Variants in CTSC observed in about 807,000 individuals in gnomAD.
CTSC encodes dipeptidyl peptidase 1.
Under a neutral mutation model 40.9 loss-of-function variants are expected in CTSC, and 37 were observed. That is an observed-to-expected ratio of 0.91 (90% confidence interval 0.70 to 1.19). CTSC has a LOEUF of 1.19. CTSC is among the 50% of genes most tolerant of loss of function. CTSC has a pLI of 0.00. For synonymous variants in CTSC, 232 were observed against 207.4 expected, an observed-to-expected ratio of 1.12 and a Z score of -1.02; for missense variants, 594 against 567.3, an observed-to-expected ratio of 1.05 and a Z score of -0.48.
intron 3 of CTSC, among the ~76,000 whole-genome samples, chr11:88,310,653 C>T (rs534699851): frequency 6.6e-6 from 1 of 152,148 alleles, no homozygotes; most frequent in Admixed American, 6.6e-5. Flanking sequence ...ATGTTTTTGT[C>T]GAAGTTCTTT....
At chr11:88,332,603 T>C (rs1938390677) in intron 2 of CTSC, among the ~76,000 whole-genome samples, 1 of 152,252 alleles carries the variant, frequency 6.6e-6, no homozygotes. Context: ...TATCTGGAAC[T>C]ACCTGATTAT....
intron 2 of CTSC, chr11:88,326,410 A>G (rs1254153818): frequency 6.2e-7 from 1 of 1,613,688 alleles, no homozygotes; most frequent in South Asian, 1.1e-5. Context: ...CTGTGGTTTT[A>G]AAAGAGTCCC....
At chr11:88,326,185 G>C (rs11545743) in intron 2 of CTSC, 2 of 1,383,014 alleles carry the variant, frequency 1.4e-6, no homozygotes, top group East Asian at 2.5e-5. Context: ...GTAGTCTCTG[G>C]TTGTTCACAT....
chr11:88,325,555 C>T, intron 2 of CTSC: 2 of 985,398 alleles, frequency 2.0e-6, no homozygotes, highest in South Asian at 4.7e-5. Flanking sequence ...TAGCATTTTA[C>T]AGTTAGAAAC....
intron 2 of CTSC, chr11:88,321,253 T>C (rs562804799): frequency 6.4e-6 from 1 of 155,328 alleles, no homozygotes; most frequent in South Asian, 2.0e-4. Context: ...CACCTAGGTA[T>C]TAACCCATTT....
chr11:88,295,644 G>T (rs1007800210), intron 6 of CTSC, among the ~76,000 whole-genome samples: 1 of 152,126 alleles, frequency 6.6e-6, no homozygotes, highest in African/African-American at 2.4e-5. Flanking sequence ...GCCTCCCAAA[G>T]TGATAGGGTT....
intron 2 of CTSC, among the ~76,000 whole-genome samples, chr11:88,319,169 T>G (rs553202259): frequency 2.0e-5 from 3 of 152,278 alleles, no homozygotes; most frequent in Admixed American, 1.3e-4. Context: ...TAAAATATAC[T>G]TGCAAAGAAA....
Position 88,309,195 on chromosome 11 carries a change from C to T in CTSC, c.609G>A (p.Arg203=), listed in dbSNP as rs1387914452. Residue 203 remains arginine (R), a synonymous_variant, in exon 4 of 7, where the codon AGG becomes AGA. Coordinates refer to ENST00000227266, the MANE Select transcript of CTSC (RefSeq NM_001814.6). ...TTTTTCGACTGTGGCCACCACTTCT[C>T]CTAATCATATCTCCCAGGGTAAGAG... ...YETLTLGDMI[R]RSGGHSRKIP... 3 of 1,613,880 alleles carry T rather than the reference C, an allele frequency of 1.9e-6. No individual in the cohort carries two copies. In the African/African-American group the frequency reaches 4.0e-5, roughly 22 times the overall value.
chr11:88,322,268 T>C (rs1442908575), intron 2 of CTSC: 1 of 152,188 alleles, frequency 6.6e-6, no homozygotes, highest in African/African-American at 2.4e-5. Flanking sequence ...CATTTGCCAA[T>C]TTTTGCTTTT....
chr11:88,305,929 T>C (rs1015682150), intron 4 of CTSC, among the ~76,000 whole-genome samples: 1 of 152,216 alleles, frequency 6.6e-6, no homozygotes, highest in Non-Finnish European at 1.5e-5. Flanking sequence ...ACAGTCTCCC[T>C]AGGCTCAAGT....
intron 2 of CTSC, chr11:88,328,141 T>A: frequency 6.2e-7 from 1 of 1,613,790 alleles, no homozygotes; most frequent in Non-Finnish European, 8.5e-7. Flanking sequence ...TGGCAAATCA[T>A]ATATCCCCAC....
At chr11:88,311,703 A>G (rs1338609031) in intron 3 of CTSC, among the ~76,000 whole-genome samples, 1 of 152,192 alleles carries the variant, frequency 6.6e-6, no homozygotes, top group African/African-American at 2.4e-5. Context: ...AGAGGTCATT[A>G]AGGTAAAATT....
At chr11:88,320,807 A>G (rs1937986221) in intron 2 of CTSC, 2 of 932,094 alleles carry the variant, frequency 2.1e-6, no homozygotes, top group South Asian at 5.0e-5. Flanking sequence ...ACAATACCAC[A>G]TGATATATTA....
At chr11:88,295,747 G>T (rs1314685775) in intron 6 of CTSC, among the ~76,000 whole-genome samples, 1 of 151,988 alleles carries the variant, frequency 6.6e-6, no homozygotes, top group Non-Finnish European at 1.5e-5. Context: ...ATAAAAGTTG[G>T]GTTTTGGAGA....
intron 1 of CTSC, among the ~76,000 whole-genome samples, chr11:88,336,160 G>A (rs1433539209): frequency 6.7e-6 from 1 of 150,334 alleles, no homozygotes; most frequent in Non-Finnish European, 1.5e-5. Flanking sequence ...TGAGAGTAAT[G>A]CTCTGACATG....
At chr11:88,337,398 CCA>C (rs1199417138) in intron 1 of CTSC, 101 bp downstream of exon 1, 7 of 1,221,980 alleles carry the variant, frequency 5.7e-6, no homozygotes, top group Middle Eastern at 2.6e-4. Flanking sequence ...CTCTGGCCAC[CCA>C]CAAGCGTCTG....
intron 3 of CTSC, 89 bp downstream of exon 3, chr11:88,312,299 T>C (rs1937779927): frequency 1.6e-6 from 2 of 1,238,200 alleles, no homozygotes; most frequent in African/African-American, 1.5e-5. Flanking sequence ...ATATTTTGTA[T>C]AATCAAACTA....
In CTSC at chr11:88,301,159, C is replaced by G. The variant is rs1278118188; in HGVS notation, c.642-514G>C. ...GGAGGCAGGGAACATAAGGCCAATT[C>G]ACACTGACTTCCTAGAACTAAATAA... On this transcript the variant is annotated intron_variant, in intron 4 of 6. Transcript: ENST00000227266. Among the ~76,000 whole-genome samples, 4 of 152,256 alleles carry G rather than the reference C, an allele frequency of 2.6e-5. No individual in the cohort carries two copies. In the South Asian group the frequency reaches 8.3e-4, roughly 32 times the overall value.
intron 5 of CTSC, chr11:88,299,837 A>G (rs913967048): frequency 6.6e-6 from 1 of 152,238 alleles, no homozygotes; most frequent in Non-Finnish European, 1.5e-5. Flanking sequence ...GTTGGCTACA[A>G]CTCAGGATAA....
Sources: allele counts gnomAD v4.1 joint callset (sites outside exome capture counted in the v4.1 genomes callset), GRCh38; gene constraint gnomAD v4.1.1; transcripts MANE v1.5; gene names NCBI Gene and HGNC (gene_info 2026-07-23, HGNC 2026-07-21).